Variants in KCNA2 observed in about 807,000 individuals in gnomAD.
KCNA2 encodes potassium channel, voltage gated shaker related subfamily A, member 2.
Under a neutral mutation model 33.4 loss-of-function variants are expected in KCNA2, and 11 were observed. That is an observed-to-expected ratio of 0.33 (90% CI 0.21 to 0.55). The LOEUF is 0.55. KCNA2 is among the 20% of genes least tolerant of loss of function. The pLI, the probability that KCNA2 is intolerant of heterozygous loss-of-function variation, is 0.93. For synonymous variants in KCNA2, 222 were observed against 231.3 expected (o/e 0.96, Z 0.37); for missense variants, 291 against 621.6 (o/e 0.47, Z 5.66).
chr1:110,604,240 A>G lies in KCNA2; in HGVS notation c.543T>C (p.Cys181=), dbSNP rs774923133. 2.5e-6 allele frequency: 4 copies of G among 1,614,158 alleles called. No individual in the cohort carries two copies. The highest frequency in any genetic ancestry group is 2.2e-5 in the East Asian group (1 of 44,888). Residue 181 remains cysteine, a synonymous_variant, in exon 3 of 3, where the codon TGT becomes TGC. Transcript: ENST00000316361. This position sits in a 1 kb window ranked among gnomAD's most constrained non-coding sequence, Gnocchi z 7.6. ...CCCGGAAGATGGGCAATGTTTCCAGACAGAAGCTGACAATTGAGATCAGAA... is the reference window on the plus strand; with the variant it reads ...CCCGGAAGATGGGCAATGTTTCCAGGCAGAAGCTGACAATTGAGATCAGAA... ...MVILISIVSF[C]LETLPIFRDE... is the part of the protein sequence containing the mutation.
intron 1 of KCNA2, among the ~76,000 whole-genome samples, chr1:110,617,249 G>A (rs529172710): frequency 2.0e-5 from 3 of 152,324 alleles, no homozygotes; most frequent in African/African-American, 7.2e-5. Flanking sequence ...TACCCAAATG[G>A]GTGAGTGGAT....
intron 1 of KCNA2, among the ~76,000 whole-genome samples, chr1:110,630,992 G>C (rs999778214): frequency 1.3e-5 from 2 of 152,228 alleles, no homozygotes; most frequent in Non-Finnish European, 2.9e-5. Context: ...CAGGAGGGCT[G>C]CTGTCTCAAG....
At chr1:110,617,647 T>C (rs1650110000) in intron 1 of KCNA2, among the ~76,000 whole-genome samples, 1 of 152,168 alleles carries the variant, frequency 6.6e-6, no homozygotes, top group South Asian at 2.1e-4. Context: ...GTAGAAGGGA[T>C]GAAGGCAGTG....
upstream of KCNA2, among the ~76,000 whole-genome samples, chr1:110,610,054 C>T (rs559548530): frequency 6.6e-6 from 1 of 152,304 alleles, no homozygotes; most frequent in Non-Finnish European, 1.5e-5. Flanking sequence ...TTATTTTTGG[C>T]CACACAATAG....
chr1:110,631,358 T>G (rs1207456921), intron 1 of KCNA2: 1 of 152,356 alleles, frequency 6.6e-6, no homozygotes, highest in Non-Finnish European at 1.5e-5. Flanking sequence ...TGTCCACACA[T>G]GCATGCTCAC....
Position 110,601,935 on chromosome 1 carries a change from G to A in KCNA2, c.*1348C>T. 6.7e-7 allele frequency: 1 copy of A among 1,491,406 alleles called. No individual in the cohort carries two copies. The highest frequency in any genetic ancestry group is 8.9e-7 in the Non-Finnish European group (1 of 1,121,020). 92.4% of individuals were successfully genotyped at this position (1,491,406 alleles called of 1,614,324 possible). ...AAAATATTGCATAAGCTTGTACAATGTTCAAATGCAATTTCTTTTCTATCA... is the reference window on the plus strand; with the variant it reads ...AAAATATTGCATAAGCTTGTACAATATTCAAATGCAATTTCTTTTCTATCA... On this transcript the variant is annotated 3_prime_UTR_variant, in exon 3 of 3. Transcript: ENST00000316361.
upstream of KCNA2, among the ~76,000 whole-genome samples, chr1:110,610,941 A>T (rs1421369089): frequency 6.6e-6 from 1 of 152,074 alleles, no homozygotes; most frequent in Admixed American, 6.6e-5. Flanking sequence ...GACCTTTCTG[A>T]GTAGCAGTTT....
rs1648987098 is a variant in KCNA2 at position 110,594,184 on chromosome 1, C to A, written c.*9099G>T. The A allele has an allele frequency of 8.1e-7, 1 of 1,234,254 alleles. No homozygotes were observed. Among genetic ancestry groups the A allele is most frequent in the Admixed American group, 4.2e-5 (1 of 23,678 alleles). The allele number at this position is 1,234,254 out of a possible 1,614,324, so 76.5% of individuals were successfully genotyped here. ...TTATTAGAGACAGGACATGGGAGGG[C>A]AGCTGAAGATTCATGCACAAGCAGC... is the stretch of plus-strand genomic sequence containing the variant. On this transcript the variant is annotated 3_prime_UTR_variant, in exon 3 of 3. Transcript: ENST00000316361.
Position 110,597,365 on chromosome 1 carries a change from C to A in KCNA2, c.*5918G>T, listed in dbSNP as rs909092800. 2.0e-6 allele frequency: 2 copies of A among 985,250 alleles called. No individual in the cohort carries two copies. The highest frequency in any genetic ancestry group is 2.4e-6 in the Non-Finnish European group (2 of 829,928). 61.0% of individuals were successfully genotyped at this position (985,250 alleles called of 1,614,324 possible). A position where few individuals can be genotyped will look rare whatever the true frequency, so the allele number is the denominator to read the frequency against. ...GCTTTCGTGTAGGCTTCCATTACATCTGCCAGACTGAGGGAAAGTCAACAA... is the reference window on the plus strand; with the variant it reads ...GCTTTCGTGTAGGCTTCCATTACATATGCCAGACTGAGGGAAAGTCAACAA... On this transcript the variant is annotated 3_prime_UTR_variant, in exon 3 of 3. Coordinates refer to ENST00000316361, the MANE Select transcript of KCNA2 (RefSeq NM_004974.4).
intron 1 of KCNA2, among the ~76,000 whole-genome samples, chr1:110,620,053 C>CGAGAGAGAGAGAGAGAGAGA (rs3050013): frequency 7.9e-6 from 1 of 126,744 alleles, no homozygotes; most frequent in African/African-American, 3.2e-5. Flanking sequence ...AGAGCGAGAG[C>CGAGAGAGAGAGAGAGAGAGA]GAGAGAGAGA....
upstream of KCNA2, among the ~76,000 whole-genome samples, chr1:110,608,280 A>T (rs1209297321): frequency 1.3e-5 from 2 of 152,144 alleles, no homozygotes; most frequent in Non-Finnish European, 2.9e-5. Context: ...TGCTTTTGGG[A>T]GGCAGACGAC....
intron 1 of KCNA2, among the ~76,000 whole-genome samples, chr1:110,623,484 AC>A (rs1487956250): frequency 1.3e-5 from 2 of 152,252 alleles, no homozygotes; most frequent in Non-Finnish European, 2.9e-5. Context: ...TGAATTAAAA[AC>A]GTTTGCATTT....
intron 1 of KCNA2, among the ~76,000 whole-genome samples, chr1:110,621,128 T>C (rs1423263888): frequency 1.3e-5 from 2 of 152,242 alleles, no homozygotes; most frequent in Non-Finnish European, 2.9e-5. Flanking sequence ...GTGCGGATAC[T>C]GGCTTTGGTG....
intron 1 of KCNA2, among the ~76,000 whole-genome samples, chr1:110,621,920 C>T (rs1298653669): frequency 6.6e-6 from 1 of 152,072 alleles, no homozygotes; most frequent in South Asian, 2.1e-4. Context: ...CTGACTAATG[C>T]TACCAAATGT....
chr1:110,611,951 G>A (rs762014807), intron 1 of KCNA2, among the ~76,000 whole-genome samples: 32 of 152,162 alleles, frequency 2.1e-4, no homozygotes, highest in African/African-American at 5.1e-4. Flanking sequence ...GAGCCCCAGC[G>A]CGGTGGAGGT....
At chr1:110,626,143 T>A (rs1336657758) in intron 1 of KCNA2, among the ~76,000 whole-genome samples, 2 of 152,174 alleles carry the variant, frequency 1.3e-5, no homozygotes, top group Admixed American at 6.5e-5. Flanking sequence ...AAATGACATA[T>A]ACACAAGGTC....
Position 110,600,066 on chromosome 1 carries a change from AAG to A in KCNA2, c.*3215_*3216del, listed in dbSNP as rs571607988. 3.1e-4 allele frequency: 302 copies of A among 975,024 alleles called. 1 individual carries two copies. The Middle Eastern group carries it at 6.4e-3, about 21-fold the overall frequency. 60.4% of individuals were successfully genotyped at this position (975,024 alleles called of 1,614,324 possible). Reference sequence around the variant, plus strand: ...TGGTAGTGAGAGAAAAGAATAGAGAAAGAGATTCCTTGAAAGATCCTGGGGGA... The same window carrying A: ...TGGTAGTGAGAGAAAAGAATAGAGAAAGATTCCTTGAAAGATCCTGGGGGA... On this transcript the variant is annotated 3_prime_UTR_variant, in exon 3 of 3. Coordinates refer to ENST00000316361, the MANE Select transcript of KCNA2 (RefSeq NM_004974.4).
At chr1:110,607,541 C>T (rs568730058), upstream of KCNA2, 7 of 152,392 alleles carry the variant, frequency 4.6e-5, no homozygotes, top group South Asian at 1.2e-3. Context: ...CGTTGGGCCC[C>T]CGGGCCTCAG....
At position 110,600,919 on chromosome 1, in the gene KCNA2, AG is replaced by A. The variant is rs1649312838; in HGVS notation, c.*2363del. On this transcript the variant is annotated 3_prime_UTR_variant, in exon 3 of 3. Transcript: ENST00000316361. ...AGACAACTGTAGGTGCTAACTAGGC[AG>A]CAGTGAGGCCTGGGCTGGAGCCACC... is the stretch of plus-strand genomic sequence containing the variant. 1.0e-6 allele frequency: 1 copy of A among 985,362 alleles called. No individual in the cohort carries two copies. The highest frequency in any genetic ancestry group is 1.2e-6 in the Non-Finnish European group (1 of 829,980). 61.0% of individuals were successfully genotyped at this position (985,362 alleles called of 1,614,324 possible).
Sources: allele counts gnomAD v4.1 joint callset (sites outside exome capture counted in the v4.1 genomes callset), GRCh38; gene constraint gnomAD v4.1.1; non-coding constraint Gnocchi (gnomAD v3.1); transcripts MANE v1.5; gene names NCBI Gene and HGNC (gene_info 2026-07-23, HGNC 2026-07-21).